The following MRTFA variants were observed in gnomAD, a reference collection of about 807,000 sequenced individuals.
MRTFA encodes myocardin-related transcription factor A.
In MRTFA, 20 loss-of-function variants were observed where a neutral mutation model predicts 83.5. That is an observed-to-expected ratio of 0.24 (90% confidence interval 0.17 to 0.35). MRTFA has a LOEUF of 0.35. MRTFA is among the 10% of genes least tolerant of loss of function. MRTFA has a pLI of 1.00. For missense variants in MRTFA, 1,200 were observed against 1,224.7 expected, an observed-to-expected ratio of 0.98 and a Z score of 0.30; for synonymous variants, 659 against 541.2, an observed-to-expected ratio of 1.22 and a Z score of -3.02.
chr22:40,452,555 G>A (rs2053513299), intron 4 of MRTFA, among the ~76,000 whole-genome samples: 1 of 152,014 alleles, frequency 6.6e-6, no homozygotes. Context: ...AGGCACAATG[G>A]CTCATGACTG....
At chr22:40,628,488 T>A (rs1199127851) in intron 1 of MRTFA, among the ~76,000 whole-genome samples, 1 of 152,132 alleles carries the variant, frequency 6.6e-6, no homozygotes, top group Non-Finnish European at 1.5e-5. Context: ...AGCCTACCTA[T>A]CTAGAAATTC....
chr22:40,417,781 G>A, intron 12 of MRTFA: 1 of 415,270 alleles, frequency 2.4e-6, no homozygotes, highest in Non-Finnish European at 4.4e-6. Context: ...CTCTGCTTGG[G>A]GCTGCTCAGG....
At chr22:40,442,825 C>T (rs2053302560) in intron 4 of MRTFA, among the ~76,000 whole-genome samples, 1 of 152,094 alleles carries the variant, frequency 6.6e-6, no homozygotes, top group Admixed American at 6.5e-5. Context: ...TAAGGAAGAA[C>T]TAGAACACAA....
At chr22:40,589,051 C>G (rs2056076001) in intron 2 of MRTFA, among the ~76,000 whole-genome samples, 1 of 152,064 alleles carries the variant, frequency 6.6e-6, no homozygotes, top group African/African-American at 2.4e-5. Context: ...TAGCACTACG[C>G]AGTGCCGAAA....
Position 40,418,911 on chromosome 22 carries a change from G to C in MRTFA, c.1827C>G (p.Cys609Trp), listed in dbSNP as rs780336201. The C allele has an allele frequency of 2.5e-6, 4 of 1,612,734 alleles. No individual in the cohort carries two copies. The highest frequency in any genetic ancestry group is 2.7e-5 in the African/African-American group (2 of 74,932). The change falls in exon 12 of 15, where the codon TGC (cysteine) becomes TGG (tryptophan). Residue 609 changes from cysteine (C) to tryptophan (W), a missense_variant. By Grantham distance (215) the Cys-to-Trp change is radical. This residue lies in a region of MRTFA where 1,107 missense variants were observed against 1,041.8 expected (regional missense o/e 1.06). Coordinates refer to ENST00000355630, the MANE Select transcript of MRTFA (RefSeq NM_020831.6). ...GCTCCGCCCGCCCCCCAGGGCTCAGGCAACAGGACCCGGCCCGGGGGCCCT... is the reference window on the plus strand; with the variant it reads ...GCTCCGCCCGCCCCCCAGGGCTCAGCCAACAGGACCCGGCCCGGGGGCCCT...
intron 3 of MRTFA, among the ~76,000 whole-genome samples, chr22:40,508,592 A>G (rs1384889305): frequency 6.6e-6 from 1 of 150,742 alleles, no homozygotes; most frequent in East Asian, 2.0e-4. Flanking sequence ...TATTCTGTTC[A>G]TACTGAAATC....
At chr22:40,428,822 C>A (rs1057259472) in intron 7 of MRTFA, among the ~76,000 whole-genome samples, 1 of 152,148 alleles carries the variant, frequency 6.6e-6, no homozygotes, top group Non-Finnish European at 1.5e-5. Flanking sequence ...CATCTTGACA[C>A]CCTCCCTTCC....
At chr22:40,434,771 C>T (rs17001900) in intron 5 of MRTFA, among the ~76,000 whole-genome samples, 2,232 of 152,198 alleles carry the variant, frequency 0.015, 49 homozygotes, top group African/African-American at 0.047. Flanking sequence ...AGATGCAGCC[C>T]ATGATCTGTC....
chr22:40,614,389 T>G (rs1417450299), intron 1 of MRTFA, among the ~76,000 whole-genome samples: 1 of 150,182 alleles, frequency 6.7e-6, no homozygotes, highest in Non-Finnish European at 1.5e-5. Flanking sequence ...CTAGCCTGGG[T>G]GACAAAGTGA....
chr22:40,527,131 T>TACACACAC lies in MRTFA; in HGVS notation c.241+24967_241+24974dup, dbSNP rs35912231. ...ACAGAGCAAGACCTCGCCTCAAAGA[T>TACACACAC]ACACACACACACACACACACACACA... On this transcript the variant is annotated intron_variant, in intron 3 of 14. Coordinates refer to ENST00000355630, the MANE Select transcript of MRTFA (RefSeq NM_020831.6). 1.6e-4 allele frequency among the ~76,000 whole-genome samples: 24 copies of TACACACAC among 146,472 alleles called. No homozygotes were observed. In the East Asian group the frequency reaches 1.8e-3, roughly 11 times the overall value.
chr22:40,484,040 G>A (rs2054135113), intron 3 of MRTFA, among the ~76,000 whole-genome samples: 1 of 151,980 alleles, frequency 6.6e-6, no homozygotes, highest in African/African-American at 2.4e-5. Flanking sequence ...ATGGGAAGCA[G>A]TAGGGAATAG....
Position 40,418,988 on chromosome 22 carries a change from G to C in MRTFA, c.1750C>G (p.Leu584Val), listed in dbSNP as rs2052760737. The C allele has an allele frequency of 1.2e-6, 2 of 1,612,782 alleles. No individual in the cohort carries two copies. The highest frequency in any genetic ancestry group is 1.3e-5 in the African/African-American group (1 of 74,916). The change falls in exon 12 of 15, where the codon CTG becomes GTG. Residue 584 changes from leucine (L) to valine (V), a missense_variant. Coordinates refer to ENST00000355630, the MANE Select transcript of MRTFA (RefSeq NM_020831.6). ...GAGGCCTGCAGGGTCAGCTGCGTCA[G>C]AGGTGATGTCACCATCTCACCAAAG...
intron 2 of MRTFA, among the ~76,000 whole-genome samples, chr22:40,557,334 C>T (rs927906313): frequency 6.6e-6 from 1 of 152,156 alleles, no homozygotes. Context: ...TAAACAGATG[C>T]GCTAGAATCA....
At chr22:40,571,921 CAAAAA>C (rs557782525) in intron 2 of MRTFA, among the ~76,000 whole-genome samples, 4 of 18,734 alleles carry the variant, frequency 2.1e-4, no homozygotes, top group Admixed American at 6.2e-4. Context: ...AAGACTCTGT[CAAAAA>C]AAAAAAAAAA....
At chr22:40,448,406 A>T (rs1329597718) in intron 4 of MRTFA, among the ~76,000 whole-genome samples, 2 of 151,718 alleles carry the variant, frequency 1.3e-5, no homozygotes, top group Non-Finnish European at 2.9e-5. Context: ...CCCGGGAGGC[A>T]AAGGTTGCTG....
chr22:40,565,670 G>A lies in MRTFA; in HGVS notation c.-21-13303C>T, dbSNP rs540843870. Among the ~76,000 whole-genome samples, 8 of 152,216 alleles carry A rather than the reference G, an allele frequency of 5.3e-5. No individual in the cohort carries two copies. In the East Asian group the frequency reaches 9.7e-4, roughly 18 times the overall value. ...AGTACAACAGACAGAAAATATCTTC[G>A]CTTTCTTGGGCCTACATTATAGTGG... On this transcript the variant is annotated intron_variant, in intron 2 of 14. Transcript: ENST00000355630.
chr22:40,571,026 CAAAAAAAAAAAAAAAA>C (rs71199292), intron 2 of MRTFA, among the ~76,000 whole-genome samples: 84 of 46,734 alleles, frequency 1.8e-3, no homozygotes, highest in Admixed American at 2.6e-3. Context: ...CCTGTCTCTA[CAAAAAAAAAAAAAAAA>C]AAAAAAAAAA....
At chr22:40,426,288 C>T (rs1484653070) in intron 7 of MRTFA, among the ~76,000 whole-genome samples, 2 of 152,192 alleles carry the variant, frequency 1.3e-5, no homozygotes, top group African/African-American at 2.4e-5. Flanking sequence ...TCCATTTCCT[C>T]GTCCTCCTCC....
chr22:40,431,379 T>C, intron 6 of MRTFA, 26 bp downstream of exon 6: 2 of 1,609,238 alleles, frequency 1.2e-6, no homozygotes, highest in Middle Eastern at 1.7e-4. Context: ...TGGATCTAGA[T>C]GGAAAAGCAA....
Sources: allele counts gnomAD v4.1 joint callset (sites outside exome capture counted in the v4.1 genomes callset), GRCh38; gene constraint gnomAD v4.1.1; regional missense constraint gnomAD v4.1.1; transcripts MANE v1.5; gene names NCBI Gene and HGNC (gene_info 2026-07-23, HGNC 2026-07-21).